Variants in KDM4B observed in about 807,000 individuals in gnomAD.
KDM4B encodes the protein lysine demethylase 4B, also known as lysine-specific demethylase 4B.
A neutral mutation model predicts 125.2 loss-of-function variants in KDM4B; 32 were observed. That is an observed-to-expected ratio of 0.26 (90% CI 0.19 to 0.34). The LOEUF (loss-of-function observed/expected upper bound fraction) is 0.34, where lower values mean the gene tolerates loss of function less well. Among genes scored for constraint, KDM4B ranks in the 10% least tolerant of loss-of-function variants. KDM4B has a pLI of 1.00. For synonymous variants in KDM4B, 721 were observed against 677.9 expected, an observed-to-expected ratio of 1.06 and a Z score of -0.99; for missense variants, 1,190 against 1,577.7, an observed-to-expected ratio of 0.75 and a Z score of 4.16.
rs59323414 is a variant in KDM4B, at chr19:5,057,029, C to T, written c.626+9360C>T. ...AGCATGTAAGTACCAGATATATATG[C>T]GTGTGTGTGTGTGTGTGTGTGTGTG... On this transcript the variant is annotated intron_variant, in intron 6 of 22. Transcript: ENST00000159111. 2.1e-3 allele frequency among the ~76,000 whole-genome samples: 305 copies of T among 144,180 alleles called. 3 individuals are homozygous for T. Among genetic ancestry groups the T allele is most frequent in the African/African-American group, 7.7e-3 (291 of 37,806 alleles). The allele number at this position is 144,180 out of a possible 152,430, so 94.6% of individuals were successfully genotyped here. A position where few individuals can be genotyped will look rare whatever the true frequency, so the allele number is the denominator to read the frequency against.
At chr19:5,006,602 A>G (rs1263466097) in intron 1 of KDM4B, among the ~76,000 whole-genome samples, 1 of 152,018 alleles carries the variant, frequency 6.6e-6, no homozygotes, top group Non-Finnish European at 1.5e-5. Flanking sequence ...GTGAAACACC[A>G]TTTCTACTAA....
rs553366144 is a variant in KDM4B at position 5,024,503 on chromosome 19, A to C, written c.-26+8164A>C. On this transcript the variant is annotated intron_variant, in intron 2 of 22. Coordinates refer to ENST00000159111, the MANE Select transcript of KDM4B (RefSeq NM_015015.3). ...AGCGTCCCTCACTTGTTCCTCCCCC[A>C]GGTTGCAGAGGAGCTGTCCAGGACA... is the stretch of plus-strand genomic sequence containing the variant. Among the ~76,000 whole-genome samples the C allele has an allele frequency of 2.2e-4, 34 of 152,068 alleles. No homozygotes were observed. In the South Asian group the frequency reaches 6.6e-3, roughly 30 times the overall value.
At chr19:5,134,804 G>A (rs905291928) in intron 14 of KDM4B, among the ~76,000 whole-genome samples, 1 of 152,190 alleles carries the variant, frequency 6.6e-6, no homozygotes, top group Non-Finnish European at 1.5e-5. Context: ...GCCGAGGGTG[G>A]TGAGCCTGTC....
chr19:5,104,169 G>A (rs896920731), intron 9 of KDM4B, among the ~76,000 whole-genome samples: 1 of 152,138 alleles, frequency 6.6e-6, no homozygotes, highest in Admixed American at 6.5e-5. Flanking sequence ...GCTCGCTCCA[G>A]CTGGTGCCCC....
intron 10 of KDM4B, chr19:5,119,294 C>T: frequency 1.9e-6 from 2 of 1,037,206 alleles, no homozygotes; most frequent in South Asian, 1.4e-5. Flanking sequence ...GCTCACACTC[C>T]CTGTGTCTCT....
chr19:5,152,755 T>TC lies in KDM4B; in HGVS notation c.*1248dup, dbSNP rs1258453343. On this transcript the variant is annotated 3_prime_UTR_variant, in exon 23 of 23. Coordinates refer to ENST00000159111, the MANE Select transcript of KDM4B (RefSeq NM_015015.3). Reference sequence around the variant, plus strand: ...AGCTCTGCACCCCTCTGGGGAGCCTTCCCCACCTTAGCTGTCTCCTGCCCC... The same window carrying TC: ...AGCTCTGCACCCCTCTGGGGAGCCTTCCCCCACCTTAGCTGTCTCCTGCCCC... 1 of 152,204 alleles carries TC rather than the reference T, an allele frequency of 6.6e-6. No individual in the cohort carries two copies. The highest frequency in any genetic ancestry group is 2.4e-5 in the African/African-American group (1 of 41,444). The allele number at this position is 152,204 out of a possible 1,614,324, so 9.4% of individuals were successfully genotyped here.
intron 2 of KDM4B, among the ~76,000 whole-genome samples, chr19:5,031,334 T>C (rs1568240543): frequency 6.6e-6 from 1 of 152,226 alleles, no homozygotes; most frequent in Non-Finnish European, 1.5e-5. Context: ...CTGTGACAGG[T>C]GCCTTGCCTT....
rs1281446235 is a variant in KDM4B at position 5,137,944 on chromosome 19, C to A, written c.2442-18C>A. The A allele has an allele frequency of 6.2e-7, 1 of 1,600,396 alleles. No homozygotes were observed. Among genetic ancestry groups the A allele is most frequent in the Admixed American group, 1.7e-5 (1 of 59,396 alleles). On this transcript the variant is annotated intron_variant, in intron 17 of 22. Coordinates refer to ENST00000159111, the MANE Select transcript of KDM4B (RefSeq NM_015015.3). Reference sequence around the variant, plus strand: ...GTCCTCAGAGGCGCACCTGACCCCGCTGCACCTGCCCTCCCAGGTGGATCC... The same window carrying A: ...GTCCTCAGAGGCGCACCTGACCCCGATGCACCTGCCCTCCCAGGTGGATCC...
chr19:5,009,819 C>T (rs756297970), intron 1 of KDM4B, among the ~76,000 whole-genome samples: 1 of 152,090 alleles, frequency 6.6e-6, no homozygotes, highest in Non-Finnish European at 1.5e-5. Flanking sequence ...GCAGCCACTG[C>T]CTCCCAGGTT....
intron 3 of KDM4B, among the ~76,000 whole-genome samples, chr19:5,038,283 G>T (rs1390155156): frequency 6.6e-6 from 1 of 152,228 alleles, no homozygotes; most frequent in African/African-American, 2.4e-5. Flanking sequence ...AAGGCCCGTG[G>T]TGCCCACCGG....
Position 5,135,413 on chromosome 19 carries a change from C to A in KDM4B, c.2160C>A (p.Ser720Arg). The A allele has an allele frequency of 6.2e-7, 1 of 1,613,718 alleles. No homozygotes were observed. The highest frequency in any genetic ancestry group is 8.5e-7 in the Non-Finnish European group (1 of 1,180,002). The part of the protein sequence containing the change: ...EGCPATLPSK[S>R]RQKTRPLIPE... Reference sequence around the variant, plus strand: ...GCCCGGCCACATTACCCTCCAAAAGCCGTCAGAAGACCCGACCGCTCATCC... The same window carrying A: ...GCCCGGCCACATTACCCTCCAAAAGACGTCAGAAGACCCGACCGCTCATCC... The change falls in exon 15 of 23, where the codon AGC becomes AGA. Residue 720 changes from serine (S) to arginine (R), a missense_variant. By Grantham distance (110) the Ser-to-Arg change is moderately radical. Coordinates refer to ENST00000159111, the MANE Select transcript of KDM4B (RefSeq NM_015015.3).
Position 5,082,812 on chromosome 19 carries a change from T to G in KDM4B, c.918+308T>G, listed in dbSNP as rs2038343515. Among the ~76,000 whole-genome samples, 1 of 152,100 alleles carries G rather than the reference T, an allele frequency of 6.6e-6. No individual in the cohort carries two copies. Among genetic ancestry groups the G allele is most frequent in the Admixed American group, 6.5e-5 (1 of 15,280 alleles). On this transcript the variant is annotated intron_variant, in intron 9 of 22. Transcript: ENST00000159111. The surrounding 1 kb of genome is among the most constrained non-coding windows in gnomAD (Gnocchi z 5.4). ...TCCTGGGCATGGCCGGCTGCTCGGG[T>G]CTAGGGGTTGGGGTGTTTCCTCCAC...
In KDM4B at chr19:5,134,029, G is replaced by T. The variant is rs768730414; in HGVS notation, c.2053G>T (p.Ala685Ser). 4.4e-6 allele frequency: 7 copies of T among 1,607,622 alleles called. No homozygotes were observed. In the African/African-American group the frequency reaches 8.0e-5, roughly 18 times the overall value. The change falls in exon 14 of 23, where the codon GCC becomes TCC. Residue 685 changes from alanine (A) to serine (S), a missense_variant. Transcript: ENST00000159111. ...GGCTGCGCGCACGGAGCCCTACTGC[G>T]CCATCTGCACGCTCTTCTACCCCTA... ...AAAARTEPYC[A>S]ICTLFYPYCQ...
At chr19:5,131,604 A>AG (rs1170090615) in intron 12 of KDM4B, 59 bp downstream of exon 12, 32 of 130,104 alleles carry the variant, frequency 2.5e-4, no homozygotes, top group East Asian at 1.1e-3. Context: ...GCAGGGGAGG[A>AG]GGGGGCAGGT....
At chr19:4,983,569 C>T (rs971743365) in intron 1 of KDM4B, among the ~76,000 whole-genome samples, 2 of 152,186 alleles carry the variant, frequency 1.3e-5, no homozygotes, top group African/African-American at 2.4e-5. Context: ...GGGGTCCTGG[C>T]GGCCCAGCCT....
At chr19:5,121,162 T>C (rs927138467) in intron 11 of KDM4B, among the ~76,000 whole-genome samples, 1 of 152,046 alleles carries the variant, frequency 6.6e-6, no homozygotes, top group Non-Finnish European at 1.5e-5. Flanking sequence ...CCTCCCCATA[T>C]ACATGGGGCA....
At position 5,153,531 on chromosome 19, in the gene KDM4B, T is replaced by A. The variant is rs2039982664; in HGVS notation, c.*2020T>A. On this transcript the variant is annotated 3_prime_UTR_variant, in exon 23 of 23. Coordinates refer to ENST00000159111, the MANE Select transcript of KDM4B (RefSeq NM_015015.3). The stretch of plus-strand genomic sequence containing the variant: ...TCCCCACCCGAGATGAAGGATACGC[T>A]GTATTTTTTGCCTAATGTCCCTGCC... 2.0e-5 allele frequency: 3 copies of A among 152,210 alleles called. No homozygotes were observed. The South Asian group carries it at 6.2e-4, about 32-fold the overall frequency. The allele number at this position is 152,210 out of a possible 1,614,324, so 9.4% of individuals were successfully genotyped here.
In KDM4B at chr19:5,152,363, T is replaced by C. The variant is rs1233699163; in HGVS notation, c.*852T>C. The C allele has an allele frequency of 6.6e-6, 1 of 152,252 alleles. No individual in the cohort carries two copies. Among genetic ancestry groups the C allele is most frequent in the Non-Finnish European group, 1.5e-5 (1 of 68,048 alleles). The allele number at this position is 152,252 out of a possible 1,614,324, so 9.4% of individuals were successfully genotyped here. A position where few individuals can be genotyped will look rare whatever the true frequency, so the allele number is the denominator to read the frequency against. On this transcript the variant is annotated 3_prime_UTR_variant, in exon 23 of 23. Coordinates refer to ENST00000159111, the MANE Select transcript of KDM4B (RefSeq NM_015015.3). ...CTCTCTCCTGGGGTTTGTCTATCTT[T>C]GTTTCTCTCACCTGAGAGAAACGCA...
chr19:5,047,548 A>G lies in KDM4B; in HGVS notation c.505A>G (p.Ile169Val). 6.2e-7 allele frequency: 1 copy of G among 1,613,906 alleles called. No individual in the cohort carries two copies. The highest frequency in any genetic ancestry group is 8.5e-7 in the Non-Finnish European group (1 of 1,179,918). ...GGTGGAGCGCGAGTGCGGCACCATCATCGAGGGCGTGAACACGCCCTACCT... is the reference window on the plus strand; with the variant it reads ...GGTGGAGCGCGAGTGCGGCACCATCGTCGAGGGCGTGAACACGCCCTACCT... ...DMVERECGTI[I>V]EGVNTPYLYF... Residue 169 changes from isoleucine (I) to valine (V), a missense_variant, in exon 6 of 23, where the codon ATC becomes GTC. Physicochemically the swap from Ile to Val is conservative, Grantham distance 29. Around this residue, in one of 7 missense-constraint regions of KDM4B, gnomAD observed 139 missense variants for 248.3 expected, o/e 0.56. Transcript: ENST00000159111.
Sources: allele counts gnomAD v4.1 joint callset (sites outside exome capture counted in the v4.1 genomes callset), GRCh38; gene constraint gnomAD v4.1.1; regional missense constraint gnomAD v4.1.1; non-coding constraint Gnocchi (gnomAD v3.1); transcripts MANE v1.5; gene names NCBI Gene and HGNC (gene_info 2026-07-23, HGNC 2026-07-21).